Variants in NPAS3 observed in about 807,000 individuals in gnomAD.
NPAS3 encodes neuronal PAS domain protein 3, also known as neuronal PAS domain-containing protein 3.
Under a neutral mutation model 73.1 loss-of-function variants are expected in NPAS3, and 14 were observed. That is an observed-to-expected ratio of 0.19 (90% CI 0.13 to 0.30). NPAS3 has a LOEUF of 0.30. NPAS3 is among the 10% of genes least tolerant of loss of function. NPAS3 has a pLI of 1.00. For missense variants in NPAS3, 1,096 were observed against 1,250.0 expected (o/e 0.88, Z 1.86); for synonymous variants, 620 against 541.5 (o/e 1.14, Z -2.01).
chr14:33,614,183 A>C (rs17101621), intron 5 of NPAS3, among the ~76,000 whole-genome samples: 2,964 of 152,260 alleles, frequency 0.019, 106 homozygotes, highest in African/African-American at 0.068. Flanking sequence ...TTCTTCAACC[A>C]GTGGAAGTTA....
At chr14:33,083,236 C>A (rs2041921088) in intron 2 of NPAS3, among the ~76,000 whole-genome samples, 1 of 139,764 alleles carries the variant, frequency 7.2e-6, no homozygotes, top group African/African-American at 2.6e-5. Context: ...GCCTTTGCCT[C>A]CACTCCATGA....
chr14:33,669,737 T>C (rs2059557620), intron 5 of NPAS3, among the ~76,000 whole-genome samples: 1 of 152,188 alleles, frequency 6.6e-6, no homozygotes, highest in Non-Finnish European at 1.5e-5. Flanking sequence ...CTGCATTTTC[T>C]TCTTTATTTC....
intron 5 of NPAS3, among the ~76,000 whole-genome samples, chr14:33,673,080 T>C (rs1446380922): frequency 3.3e-5 from 5 of 152,146 alleles, no homozygotes; most frequent in Non-Finnish European, 1.5e-5. Context: ...GGCCAAAGAG[T>C]TCAATGGCAA....
At chr14:33,633,612 A>C (rs980387505) in intron 5 of NPAS3, among the ~76,000 whole-genome samples, 1 of 152,234 alleles carries the variant, frequency 6.6e-6, no homozygotes, top group Non-Finnish European at 1.5e-5. Flanking sequence ...GTGTATCTAA[A>C]CATAGAAAAG....
At chr14:33,174,821 A>AT (rs779762245) in intron 2 of NPAS3, among the ~76,000 whole-genome samples, 3 of 152,206 alleles carry the variant, frequency 2.0e-5, no homozygotes, top group Non-Finnish European at 4.4e-5. Flanking sequence ...GAAGAGCCAG[A>AT]TGGGAGGATG....
intron 3 of NPAS3, among the ~76,000 whole-genome samples, chr14:33,264,120 T>C (rs1173789443): frequency 6.6e-6 from 1 of 152,146 alleles, no homozygotes; most frequent in East Asian, 1.9e-4. Flanking sequence ...ATATCCTTTG[T>C]AGAGACATGG....
At chr14:33,152,916 G>A (rs947828473) in intron 2 of NPAS3, among the ~76,000 whole-genome samples, 3 of 151,116 alleles carry the variant, frequency 2.0e-5, no homozygotes, top group Non-Finnish European at 4.4e-5. Context: ...TCCCCATTTT[G>A]GTGCTCTGGT....
intron 5 of NPAS3, among the ~76,000 whole-genome samples, chr14:33,564,200 G>A (rs569912326): frequency 2.0e-5 from 3 of 152,168 alleles, no homozygotes; most frequent in African/African-American, 7.2e-5. Context: ...ATTATAAATG[G>A]TCTTTATTAA....
chr14:33,309,490 G>A (rs865958536), intron 3 of NPAS3, among the ~76,000 whole-genome samples: 9 of 152,202 alleles, frequency 5.9e-5, no homozygotes, highest in South Asian at 4.1e-4. Context: ...ACTCTGCTGC[G>A]TTGTCAGTGG....
intron 2 of NPAS3, among the ~76,000 whole-genome samples, chr14:33,209,577 T>C (rs1370032770): frequency 6.6e-6 from 1 of 152,180 alleles, no homozygotes; most frequent in African/African-American, 2.4e-5. Context: ...CTTTGATGAA[T>C]TTTTGATGGC....
intron 3 of NPAS3, among the ~76,000 whole-genome samples, chr14:33,287,704 T>A (rs1025643727): frequency 6.6e-6 from 1 of 152,180 alleles, no homozygotes; most frequent in Non-Finnish European, 1.5e-5. Flanking sequence ...TGGTTTCCTG[T>A]CACAGTTTGG....
At chr14:33,084,492 T>G (rs775205297) in intron 2 of NPAS3, among the ~76,000 whole-genome samples, 23 of 152,176 alleles carry the variant, frequency 1.5e-4, no homozygotes, top group Non-Finnish European at 2.8e-4. Context: ...TTCTAAAAGT[T>G]AGGAAGTTAG....
chr14:33,392,349 T>G (rs757816393), intron 4 of NPAS3, among the ~76,000 whole-genome samples: 29 of 152,110 alleles, frequency 1.9e-4, no homozygotes, highest in African/African-American at 7.0e-4. Flanking sequence ...CCCAATGAAA[T>G]AGCTATTAGT....
At chr14:33,153,772 G>A (rs774222068) in intron 2 of NPAS3, among the ~76,000 whole-genome samples, 2 of 152,056 alleles carry the variant, frequency 1.3e-5, no homozygotes, top group African/African-American at 4.8e-5. Flanking sequence ...CTGGTACTCC[G>A]AGTCCTAAAC....
chr14:33,538,238 G>A (rs556601611), intron 4 of NPAS3, among the ~76,000 whole-genome samples: 27 of 152,184 alleles, frequency 1.8e-4, no homozygotes, highest in African/African-American at 6.5e-4. Context: ...TAGCTCAAAG[G>A]TCCTAAAGGA....
intron 3 of NPAS3, among the ~76,000 whole-genome samples, chr14:33,261,549 T>C (rs1159780613): frequency 1.3e-5 from 2 of 152,176 alleles, no homozygotes; most frequent in African/African-American, 4.8e-5. Flanking sequence ...ATATGTACAC[T>C]ATTCACAGTT....
intron 2 of NPAS3, among the ~76,000 whole-genome samples, chr14:33,167,406 C>T (rs1351809071): frequency 6.6e-6 from 1 of 152,126 alleles, no homozygotes; most frequent in Admixed American, 6.5e-5. Flanking sequence ...TGAATACACA[C>T]ACGCACAAAC....
intron 2 of NPAS3, among the ~76,000 whole-genome samples, chr14:33,101,877 C>T (rs2042586793): frequency 1.3e-5 from 2 of 152,208 alleles, no homozygotes; most frequent in Non-Finnish European, 1.5e-5. Context: ...TTTTTCTTCC[C>T]TATCTTCTAT....
At chr14:33,102,076 A>G (rs1423180387) in intron 2 of NPAS3, among the ~76,000 whole-genome samples, 1 of 152,120 alleles carries the variant, frequency 6.6e-6, no homozygotes, top group East Asian at 1.9e-4. Context: ...ATGCCAGCTT[A>G]GGCCAGCATC....
Sources: gnomAD v4.1 joint callset for allele counts (sites outside exome capture counted in the v4.1 genomes callset) on GRCh38, gnomAD v4.1.1 for gene constraint, MANE v1.5 for transcripts, NCBI Gene and HGNC (gene_info 2026-07-23, HGNC 2026-07-21) for gene names.